TEAD2: variants seen among roughly 807,000 people sequenced by gnomAD.
TEAD2 encodes TEA domain transcription factor 2.
TEAD2 carries 51 observed loss-of-function variants against 61.4 expected under a neutral mutation model. The observed-to-expected ratio is 0.83, with a 90% CI of 0.66 to 1.05. TEAD2 has a LOEUF of 1.05. Among genes scored for constraint, TEAD2 ranks in the 50% least tolerant of loss-of-function variants. The probability of loss-of-function intolerance (pLI) is 0.00; values close to 1 mark genes in which losing one functional copy is unlikely to be tolerated. For synonymous variants in TEAD2, 244 were observed against 243.2 expected, an observed-to-expected ratio of 1.00 and a Z score of -0.03; for missense variants, 509 against 600.0, an observed-to-expected ratio of 0.85 and a Z score of 1.58.
chr19:49,360,313 G>T, intron 1 of TEAD2: 1 of 555,288 alleles, frequency 1.8e-6, no homozygotes, highest in Non-Finnish European at 3.2e-6. Flanking sequence ...GGACTCCTAG[G>T]ACTGAGGGAG....
At position 49,341,105 on chromosome 19, in the gene TEAD2, A is replaced by G. The variant is rs1192818646; in HGVS notation, c.*219T>C. 3.8e-6 allele frequency: 2 copies of G among 520,968 alleles called. No individual in the cohort carries two copies. Among genetic ancestry groups the G allele is most frequent in the Non-Finnish European group, 6.9e-6 (2 of 287,944 alleles). The allele number at this position is 520,968 out of a possible 1,614,324, so 32.3% of individuals were successfully genotyped here. On this transcript the variant is annotated 3_prime_UTR_variant, in exon 13 of 13. Transcript: ENST00000593945. This position sits in a 1 kb window ranked among gnomAD's most constrained non-coding sequence, Gnocchi z 4.2. ...TTCAGACACCCACTGTGAGGTCCCA[A>G]TATCGGGGTTTATCCTTTCCTCAGT...
At chr19:49,355,482 T>A (rs1600764225) in intron 5 of TEAD2, 63 bp from the exon 6 acceptor site, 2 of 1,420,758 alleles carry the variant, frequency 1.4e-6, no homozygotes, top group East Asian at 4.6e-5. Context: ...AAGAGGGGGA[T>A]GGTGCCAGGG....
intron 10 of TEAD2, among the ~76,000 whole-genome samples, chr19:49,344,239 T>TC (rs1403552081): frequency 6.6e-6 from 1 of 151,592 alleles, no homozygotes; most frequent in East Asian, 1.9e-4. Flanking sequence ...TGGCCCTGTC[T>TC]CCCCAGTAAC....
At chr19:49,358,451 A>G (rs1367941738) in intron 3 of TEAD2, among the ~76,000 whole-genome samples, 1 of 152,022 alleles carries the variant, frequency 6.6e-6, no homozygotes, top group Non-Finnish European at 1.5e-5. Context: ...GTGTTTAAAA[A>G]GAGTCTGGGA....
chr19:49,358,734 G>A (rs1458835992), intron 3 of TEAD2, among the ~76,000 whole-genome samples: 2 of 151,038 alleles, frequency 1.3e-5, no homozygotes, highest in African/African-American at 4.9e-5. Context: ...CCGGGTTCAA[G>A]CGATTTTCGT....
chr19:49,343,464 G>A lies in TEAD2; in HGVS notation c.922-66C>T, dbSNP rs916246208. The stretch of plus-strand genomic sequence containing the variant: ...CCTTATAAACAGTGGGGACTACCAG[G>A]CGCAGTGGTTCACACCTGTAATCCC... On this transcript the variant is annotated intron_variant, in intron 10 of 12. Coordinates refer to ENST00000593945, the MANE Select transcript of TEAD2 (RefSeq NM_001256660.2). The A allele has an allele frequency of 3.3e-6, 5 of 1,514,250 alleles. No individual in the cohort carries two copies. In the Admixed American group the frequency reaches 1.0e-4, roughly 31 times the overall value. The allele number at this position is 1,514,250 out of a possible 1,614,324, so 93.8% of individuals were successfully genotyped here.
At chr19:49,354,913 G>C (rs949684285) in intron 7 of TEAD2, among the ~76,000 whole-genome samples, 2 of 152,198 alleles carry the variant, frequency 1.3e-5, no homozygotes, top group Non-Finnish European at 2.9e-5. Context: ...CAGGAGAACT[G>C]CTTGAACTCA....
intron 7 of TEAD2, among the ~76,000 whole-genome samples, chr19:49,353,784 C>CTT (rs5828391): frequency 7.0e-6 from 1 of 142,206 alleles, no homozygotes; most frequent in African/African-American, 2.6e-5. Context: ...TCACTGCACT[C>CTT]TTTTTTTTTT....
chr19:49,351,410 T>C (rs766169187), intron 7 of TEAD2, 45 bp from the exon 8 acceptor site: 4 of 1,551,336 alleles, frequency 2.6e-6, no homozygotes, highest in South Asian at 2.4e-5. Flanking sequence ...AGAAAGATGC[T>C]AATGTCACCA....
At chr19:49,356,773 A>G (rs1185088093) in intron 4 of TEAD2, among the ~76,000 whole-genome samples, 9 of 151,968 alleles carry the variant, frequency 5.9e-5, no homozygotes, top group Non-Finnish European at 1.5e-5. Context: ...GTCCTGAGCA[A>G]AACCTTCAGC....
At chr19:49,361,510 A>AAGGG (rs1972933032) in intron 1 of TEAD2, 1 of 152,290 alleles carries the variant, frequency 6.6e-6, no homozygotes, top group African/African-American at 2.4e-5. Flanking sequence ...AGCCAGAACA[A>AAGGG]AGGGCCCAGG....
intron 7 of TEAD2, among the ~76,000 whole-genome samples, chr19:49,354,331 C>G (rs1972232107): frequency 6.6e-6 from 1 of 151,704 alleles, no homozygotes; most frequent in Non-Finnish European, 1.5e-5. Flanking sequence ...TAGCAAGACC[C>G]CCGTCTCTAC....
intron 5 of TEAD2, among the ~76,000 whole-genome samples, 168 bp downstream of exon 5, chr19:49,355,791 C>T (rs555614404): frequency 6.7e-6 from 1 of 150,056 alleles, no homozygotes; most frequent in East Asian, 1.9e-4. Flanking sequence ...CGTGCCCCTG[C>T]ATCCAGCTTA....
In TEAD2 at chr19:49,358,722, T is replaced by A. The variant is rs1382261779; in HGVS notation, c.297+713A>T. Among the ~76,000 whole-genome samples, 3 of 148,444 alleles carry A rather than the reference T, an allele frequency of 2.0e-5. No individual in the cohort carries two copies. The Admixed American group carries it at 2.0e-4, about 10-fold the overall frequency. ...ATCTTGGCTCACTGCAACCTCCGCC[T>A]CCCGGGTTCAAGCGATTTTCGTGCC... On this transcript the variant is annotated intron_variant, in intron 3 of 12. Coordinates refer to ENST00000593945, the MANE Select transcript of TEAD2 (RefSeq NM_001256660.2).
intron 7 of TEAD2, among the ~76,000 whole-genome samples, 168 bp downstream of exon 7, chr19:49,354,980 C>T (rs1972277595): frequency 1.3e-5 from 2 of 152,046 alleles, no homozygotes; most frequent in Admixed American, 1.3e-4. Flanking sequence ...CCAGCCTGGG[C>T]AACGGAGCAA....
rs1279594771 is a variant in TEAD2 at position 49,359,940 on chromosome 19, T to G, written c.136A>C (p.Ser46Arg). Residue 46 changes from serine (S) to arginine (R), a missense_variant, in exon 2 of 13, where the codon AGC (serine) becomes CGC (arginine). Coordinates refer to ENST00000593945, the MANE Select transcript of TEAD2 (RefSeq NM_001256660.2). The surrounding 1 kb of genome is among the most constrained non-coding windows in gnomAD (Gnocchi z 4.1). The part of the protein sequence containing the change: ...DGGPDAEGVW[S>R]PDIEQSFQEA... ...TGGAAGCTCTGCTCAATGTCTGGGC[T>G]CCACACCCCCTCTGCATCCGGGCCC... 1.2e-6 allele frequency: 2 copies of G among 1,612,398 alleles called. No individual in the cohort carries two copies. Among genetic ancestry groups the G allele is most frequent in the South Asian group, 2.2e-5 (2 of 91,080 alleles).
Position 49,341,330 on chromosome 19 carries a change from C to G in TEAD2, c.1350G>C (p.Arg450Ser). 1 of 1,613,810 alleles carries G rather than the reference C, an allele frequency of 6.2e-7. No individual in the cohort carries two copies. The highest frequency in any genetic ancestry group is 1.1e-5 in the South Asian group (1 of 91,066). ...CCAGTTTTGGGGTCCCCCTTCAGTC[C>G]CTGACCAGGCGGTAAATGTGATGCT... is the stretch of plus-strand genomic sequence containing the variant. The part of the protein sequence containing the change: ...GAQHHIYRLV[R>S]D The change falls in exon 13 of 13, where the codon AGG (arginine) becomes AGC (serine). Residue 450 changes from arginine to serine, a missense_variant. Arg to Ser is a moderately radical substitution (Grantham distance 110). Coordinates refer to ENST00000593945, the MANE Select transcript of TEAD2 (RefSeq NM_001256660.2). This position sits in a 1 kb window ranked among gnomAD's most constrained non-coding sequence, Gnocchi z 4.2.
chr19:49,344,942 C>A (rs906721530), intron 10 of TEAD2, among the ~76,000 whole-genome samples: 4 of 152,196 alleles, frequency 2.6e-5, no homozygotes, highest in Non-Finnish European at 1.5e-5. Flanking sequence ...CCTTGCGAGG[C>A]GCACCTCTTC....
rs1306784683 is a variant in TEAD2 at position 49,341,112 on chromosome 19, G to A, written c.*212C>T. 1.8e-6 allele frequency: 1 copy of A among 543,124 alleles called. No individual in the cohort carries two copies. The highest frequency in any genetic ancestry group is 3.3e-6 in the Non-Finnish European group (1 of 301,484). The allele number at this position is 543,124 out of a possible 1,614,324, so 33.6% of individuals were successfully genotyped here. On this transcript the variant is annotated 3_prime_UTR_variant, in exon 13 of 13. Coordinates refer to ENST00000593945, the MANE Select transcript of TEAD2 (RefSeq NM_001256660.2). The surrounding 1 kb of genome is among the most constrained non-coding windows in gnomAD (Gnocchi z 4.2). ...ACCCACTGTGAGGTCCCAATATCGG[G>A]GTTTATCCTTTCCTCAGTCCCAGCC... is the stretch of plus-strand genomic sequence containing the variant.
Sources: allele counts gnomAD v4.1 joint callset (sites outside exome capture counted in the v4.1 genomes callset), GRCh38; gene constraint gnomAD v4.1.1; non-coding constraint Gnocchi (gnomAD v3.1); transcripts MANE v1.5; gene names NCBI Gene and HGNC (gene_info 2026-07-23, HGNC 2026-07-21).